Variants in TMEM132D observed in about 807,000 individuals in gnomAD.
The protein encoded by TMEM132D is mature OL transmembrane protein.
In TMEM132D, 21 loss-of-function variants were observed where a neutral mutation model predicts 62.3. The observed-to-expected ratio is 0.34, with a 90% CI of 0.24 to 0.49. The LOEUF (loss-of-function observed/expected upper bound fraction) is 0.49. Among genes scored for constraint, TMEM132D ranks in the 20% least tolerant of loss-of-function variants. The probability of loss-of-function intolerance (pLI) is 0.99; values close to 1 mark genes in which losing one functional copy is unlikely to be tolerated. For synonymous variants in TMEM132D, 621 were observed against 575.6 expected, an observed-to-expected ratio of 1.08 and a Z score of -1.13; for missense variants, 1,346 against 1,402.8, an observed-to-expected ratio of 0.96 and a Z score of 0.65.
At chr12:129,528,445 A>T (rs985723717) in intron 3 of TMEM132D, among the ~76,000 whole-genome samples, 3 of 152,114 alleles carry the variant, frequency 2.0e-5, no homozygotes, top group African/African-American at 7.2e-5. Flanking sequence ...AAAAAAAAAA[A>T]AAAAAAATCA....
chr12:129,168,475 C>A (rs1205079802), intron 5 of TMEM132D, among the ~76,000 whole-genome samples: 1 of 152,136 alleles, frequency 6.6e-6, no homozygotes, highest in African/African-American at 2.4e-5. Context: ...ACTTTCCGCT[C>A]TATGGATTTT....
rs192560049 is a variant in TMEM132D, at chr12:129,254,684, G to A, written c.1300-45021C>T. On this transcript the variant is annotated intron_variant, in intron 4 of 8. Transcript: ENST00000422113. Reference sequence around the variant, plus strand: ...AGAGGGGTACATCTGTCGTGGAGACGGGTCTCTACTGACCACATCCAGCAC... The same window carrying A: ...AGAGGGGTACATCTGTCGTGGAGACAGGTCTCTACTGACCACATCCAGCAC... 5.3e-5 allele frequency among the ~76,000 whole-genome samples: 8 copies of A among 152,228 alleles called. No individual in the cohort carries two copies. The East Asian group carries it at 9.7e-4, about 18-fold the overall frequency.
intron 5 of TMEM132D, among the ~76,000 whole-genome samples, chr12:129,166,857 T>G (rs1378267669): frequency 6.6e-6 from 1 of 151,746 alleles, no homozygotes; most frequent in Admixed American, 6.6e-5. Context: ...CTGGGCTAGC[T>G]CAGCATCTTA....
intron 2 of TMEM132D, among the ~76,000 whole-genome samples, chr12:129,630,103 ACATG>A (rs1879316612): frequency 6.6e-6 from 1 of 152,224 alleles, no homozygotes; most frequent in Non-Finnish European, 1.5e-5. Context: ...CATGACCTCC[ACATG>A]TAGATTTTCC....
At chr12:129,256,589 T>G (rs1880406120) in intron 4 of TMEM132D, among the ~76,000 whole-genome samples, 1 of 152,072 alleles carries the variant, frequency 6.6e-6, no homozygotes, top group Admixed American at 6.6e-5. Context: ...ACCCAGGTAG[T>G]TTTTGTATTT....
intron 4 of TMEM132D, among the ~76,000 whole-genome samples, chr12:129,275,667 G>C (rs774355434): frequency 2.0e-4 from 30 of 152,310 alleles, no homozygotes; most frequent in Non-Finnish European, 4.0e-4. Flanking sequence ...TTCCATGTTT[G>C]TTCAGCAATC....
intron 5 of TMEM132D, among the ~76,000 whole-genome samples, chr12:129,208,245 A>G (rs1221636683): frequency 6.6e-6 from 1 of 152,188 alleles, no homozygotes; most frequent in Non-Finnish European, 1.5e-5. Context: ...CTTGGAAGGC[A>G]CTGCCAACAG....
chr12:129,520,563 A>G (rs922828085), intron 3 of TMEM132D, among the ~76,000 whole-genome samples: 1 of 151,974 alleles, frequency 6.6e-6, no homozygotes, highest in Non-Finnish European at 1.5e-5. Context: ...GTGACCCTGA[A>G]AGTTTGATGT....
intron 3 of TMEM132D, among the ~76,000 whole-genome samples, chr12:129,490,533 A>C (rs1402475597): frequency 1.5e-5 from 2 of 130,610 alleles, no homozygotes; most frequent in African/African-American, 6.1e-5. Flanking sequence ...GGTTCACGCC[A>C]TTCTCCTGCC....
chr12:129,410,048 T>C (rs991825894), intron 3 of TMEM132D, among the ~76,000 whole-genome samples: 3 of 152,222 alleles, frequency 2.0e-5, no homozygotes, highest in African/African-American at 7.2e-5. Flanking sequence ...TTGTTCCTTC[T>C]GGAGCACTGC....
At chr12:129,287,898 G>T (rs1453236495) in intron 4 of TMEM132D, among the ~76,000 whole-genome samples, 1 of 152,136 alleles carries the variant, frequency 6.6e-6, no homozygotes, top group East Asian at 1.9e-4. Flanking sequence ...CTGATGCATT[G>T]GTCTATGTAT....
At chr12:129,343,434 G>C (rs1350914107) in intron 3 of TMEM132D, among the ~76,000 whole-genome samples, 2 of 151,880 alleles carry the variant, frequency 1.3e-5, no homozygotes, top group Non-Finnish European at 2.9e-5. Context: ...TGTGGGGTGG[G>C]GGGATGGGGG....
At chr12:129,189,344 G>T (rs1366889395) in intron 5 of TMEM132D, among the ~76,000 whole-genome samples, 9 of 152,162 alleles carry the variant, frequency 5.9e-5, no homozygotes, top group Non-Finnish European at 4.4e-5. Context: ...AAAATGACAG[G>T]CTGATGGGAA....
chr12:129,313,543 T>TGA (rs1350571527), intron 4 of TMEM132D, among the ~76,000 whole-genome samples: 3 of 145,058 alleles, frequency 2.1e-5, no homozygotes, highest in Non-Finnish European at 3.0e-5. Flanking sequence ...TATATGTATA[T>TGA]GATATATATA....
At chr12:129,140,761 C>T (rs1174910622) in intron 5 of TMEM132D, among the ~76,000 whole-genome samples, 2 of 151,502 alleles carry the variant, frequency 1.3e-5, no homozygotes, top group Non-Finnish European at 2.9e-5. Context: ...ATCGCTTGAA[C>T]GCTGGTGGTG....
At chr12:129,143,479 G>A (rs575400354) in intron 5 of TMEM132D, among the ~76,000 whole-genome samples, 4 of 152,134 alleles carry the variant, frequency 2.6e-5, no homozygotes, top group South Asian at 2.1e-4. Flanking sequence ...CAGCATATGC[G>A]GCAGGACTGT....
chr12:129,117,479 T>C (rs1003103812), intron 5 of TMEM132D, among the ~76,000 whole-genome samples: 23 of 152,200 alleles, frequency 1.5e-4, no homozygotes, highest in African/African-American at 5.5e-4. Context: ...TTATATAGTA[T>C]TTACTATTTT....
At chr12:129,300,478 G>T (rs1214418957) in intron 4 of TMEM132D, among the ~76,000 whole-genome samples, 1 of 152,178 alleles carries the variant, frequency 6.6e-6, no homozygotes, top group Non-Finnish European at 1.5e-5. Flanking sequence ...TTTTTGCTAT[G>T]GATGCTGTAA....
rs1227369196 is a variant in TMEM132D at position 129,526,954 on chromosome 12, T to C, written c.1115+4105A>G. Among the ~76,000 whole-genome samples, 5 of 152,200 alleles carry C rather than the reference T, an allele frequency of 3.3e-5. No homozygotes were observed. The East Asian group carries it at 9.6e-4, about 29-fold the overall frequency. On this transcript the variant is annotated intron_variant, in intron 3 of 8. Coordinates refer to ENST00000422113, the MANE Select transcript of TMEM132D (RefSeq NM_133448.3). ...CCAGCTGTGGCCAGCCTTAAGCTTC[T>C]TTTATGTGAGAAAGAAAAAACTTCT...
Sources: gnomAD v4.1 joint callset for allele counts (sites outside exome capture counted in the v4.1 genomes callset) on GRCh38, gnomAD v4.1.1 for gene constraint, MANE v1.5 for transcripts, NCBI Gene and HGNC (gene_info 2026-07-23, HGNC 2026-07-21) for gene names.